The following TRMT44 variants were observed in gnomAD, a reference collection of about 807,000 sequenced individuals.
TRMT44 encodes tRNA methyltransferase 44 homolog, also known as probable tRNA (uracil-O(2)-)-methyltransferase.
TRMT44 carries 78 observed loss-of-function variants against 77.3 expected under a neutral mutation model. The observed-to-expected ratio is 1.01, with a 90% CI of 0.84 to 1.22. The LOEUF (loss-of-function observed/expected upper bound fraction) is 1.22. Ranked by LOEUF, TRMT44 falls within the 50% of genes most tolerant of loss-of-function variation. The pLI is 0.00. For synonymous variants in TRMT44, 391 were observed against 383.3 expected (o/e 1.02, Z -0.23); for missense variants, 1,090 against 964.4 (o/e 1.13, Z -1.73).
At chr4:8,454,908 A>G in intron 6 of TRMT44, 95 bp downstream of exon 6, 2 of 1,097,134 alleles carry the variant, frequency 1.8e-6, no homozygotes, top group Non-Finnish European at 2.8e-6. Flanking sequence ...TAGGTCAAGC[A>G]GACATGCTGA....
At chr4:8,491,136 T>C (rs537332837) in intron 2 of TRMT44, among the ~76,000 whole-genome samples, 1 of 152,004 alleles carries the variant, frequency 6.6e-6, no homozygotes, top group Non-Finnish European at 1.5e-5. Context: ...AGCAGCTAGA[T>C]ACAGAGTGTC....
downstream of TRMT44, among the ~76,000 whole-genome samples, chr4:8,494,891 C>T (rs1180864847): frequency 6.6e-6 from 1 of 152,130 alleles, no homozygotes; most frequent in Non-Finnish European, 1.5e-5. Flanking sequence ...GACTCTTCCC[C>T]GTGGCTTGGT....
intron 6 of TRMT44, among the ~76,000 whole-genome samples, chr4:8,460,972 C>A (rs144171948): frequency 1.3e-5 from 2 of 152,174 alleles, no homozygotes; most frequent in Non-Finnish European, 2.9e-5. Context: ...CCTCAGCCTC[C>A]GAGTAGCTGG....
chr4:8,451,333 C>T lies in TRMT44; in HGVS notation c.955-627C>T, dbSNP rs567532872. Reference sequence around the variant, plus strand: ...GATGGTTCATCTGTATTGTCTAAGGCGCTGTGACTGGAAATAGAAATTTCA... The same window carrying T: ...GATGGTTCATCTGTATTGTCTAAGGTGCTGTGACTGGAAATAGAAATTTCA... On this transcript the variant is annotated intron_variant, in intron 3 of 10. Transcript: ENST00000389737. The surrounding 1 kb of genome is among the most constrained non-coding windows in gnomAD (Gnocchi z 4.1). Among the ~76,000 whole-genome samples the T allele has an allele frequency of 5.9e-5, 9 of 152,244 alleles. No homozygotes were observed. In the South Asian group the frequency reaches 1.2e-3, roughly 21 times the overall value.
At chr4:8,494,649 G>T (rs1728101189), downstream of TRMT44, among the ~76,000 whole-genome samples, 1 of 152,176 alleles carries the variant, frequency 6.6e-6, no homozygotes, top group African/African-American at 2.4e-5. Context: ...ATAAAAGCAA[G>T]CTGTGCCCGA....
rs373225290 is a variant in TRMT44 at position 8,471,670 on chromosome 4, A to G, written c.2044+470A>G. On this transcript the variant is annotated intron_variant, in intron 10 of 10. Coordinates refer to ENST00000389737, the MANE Select transcript of TRMT44 (RefSeq NM_152544.3). Reference sequence around the variant, plus strand: ...CCTGGACTCCTGTGGCCCTCGCCCCACGGGCCTGGGCAGGCGGAGGTCCTG... The same window carrying G: ...CCTGGACTCCTGTGGCCCTCGCCCCGCGGGCCTGGGCAGGCGGAGGTCCTG... Among the ~76,000 whole-genome samples the G allele has an allele frequency of 1.4e-4, 22 of 152,282 alleles. No individual in the cohort carries two copies. In the East Asian group the frequency reaches 2.9e-3, roughly 20 times the overall value.
chr4:8,465,776 C>T (rs1256294881), intron 8 of TRMT44, among the ~76,000 whole-genome samples: 1 of 152,204 alleles, frequency 6.6e-6, no homozygotes, highest in Non-Finnish European at 1.5e-5. Context: ...CTCCTCCAGG[C>T]CTGCAGGAGT....
Position 8,476,215 on chromosome 4 carries a change from T to C in TRMT44, c.*214T>C. ...GAAGCCCCCAGCTGACTGCCTGGCTTGTTTCAGATGCAGCCGCTTGAAACG... is the reference window on the plus strand; with the variant it reads ...GAAGCCCCCAGCTGACTGCCTGGCTCGTTTCAGATGCAGCCGCTTGAAACG... On this transcript the variant is annotated 3_prime_UTR_variant, in exon 11 of 11. Coordinates refer to ENST00000389737, the MANE Select transcript of TRMT44 (RefSeq NM_152544.3). The C allele has an allele frequency of 1.7e-6, 1 of 593,526 alleles. No homozygotes were observed. The highest frequency in any genetic ancestry group is 2.0e-5 in the South Asian group (1 of 49,226). 36.8% of individuals were successfully genotyped at this position (593,526 alleles called of 1,614,324 possible).
the TRMT44 span, among the ~76,000 whole-genome samples, chr4:8,503,272 G>A: frequency 6.6e-6 from 1 of 152,224 alleles, no homozygotes; most frequent in African/African-American, 2.4e-5. Flanking sequence ...CACCTTGCAA[G>A]GCAAGCTGTC....
chr4:8,491,483 G>A (rs529924079), intron 2 of TRMT44, among the ~76,000 whole-genome samples: 13 of 152,332 alleles, frequency 8.5e-5, no homozygotes, highest in African/African-American at 2.6e-4. Context: ...GGGGAGGCTC[G>A]GGCCGCACAG....
Position 8,446,519 on chromosome 4 carries a change from T to A in TRMT44, c.663T>A (p.Asp221Glu). 2 of 1,536,572 alleles carry A rather than the reference T, an allele frequency of 1.3e-6. No individual in the cohort carries two copies. Among genetic ancestry groups the A allele is most frequent in the South Asian group, 2.4e-5 (2 of 84,058 alleles). ...TAACGTTTTTGCCTTTGGAAGAAGA[T>A]GATGAGGGGAACCTAAAGGTTAAGA... ...GTITFLPLEEDDEGNLKVKMS... is the reference protein window; with the variant it reads ...GTITFLPLEEEDEGNLKVKMS... The change falls in exon 2 of 11, where the codon GAT (aspartate) becomes GAA (glutamate). Residue 221 changes from aspartate to glutamate, a missense_variant. By Grantham distance (45) the Asp-to-Glu change is conservative (BLOSUM62 2). Transcript: ENST00000389737. The surrounding 1 kb of genome is among the most constrained non-coding windows in gnomAD (Gnocchi z 4.3).
At chr4:8,506,534 G>T in the TRMT44 span, among the ~76,000 whole-genome samples, 18 of 152,352 alleles carry the variant, frequency 1.2e-4, no homozygotes, top group African/African-American at 4.1e-4. Context: ...AACCTTTGGT[G>T]CTGGGCTCTG....
intron 2 of TRMT44, among the ~76,000 whole-genome samples, chr4:8,483,963 G>A (rs1050270257): frequency 1.3e-5 from 2 of 152,200 alleles, no homozygotes; most frequent in South Asian, 2.1e-4. Flanking sequence ...AGCTTCATGT[G>A]TAGGGAAGGG....
intron 10 of TRMT44, among the ~76,000 whole-genome samples, chr4:8,474,145 A>C (rs930345103): frequency 6.6e-6 from 1 of 151,146 alleles, no homozygotes; most frequent in Admixed American, 6.6e-5. Flanking sequence ...GTGATCCCCC[A>C]CCCCCCATTC....
At chr4:8,494,852 G>A (rs186800281), downstream of TRMT44, among the ~76,000 whole-genome samples, 2 of 152,200 alleles carry the variant, frequency 1.3e-5, no homozygotes, top group East Asian at 3.9e-4. Context: ...TAAAATGGGA[G>A]GCAGGTTGCC....
chr4:8,480,894 T>C (rs1727592337), downstream of TRMT44, among the ~76,000 whole-genome samples: 1 of 152,238 alleles, frequency 6.6e-6, no homozygotes, highest in South Asian at 2.1e-4. Context: ...GTAGTTTACC[T>C]CAAAATGTGT....
intron 3 of TRMT44, among the ~76,000 whole-genome samples, chr4:8,450,090 T>TG (rs1725346430): frequency 6.6e-6 from 1 of 151,492 alleles, no homozygotes; most frequent in African/African-American, 2.4e-5. Flanking sequence ...CCTCAGCCTC[T>TG]GGACTAGCTG....
chr4:8,478,505 C>A (rs1197001658), downstream of TRMT44: 1 of 152,582 alleles, frequency 6.6e-6, no homozygotes, highest in African/African-American at 2.4e-5. Flanking sequence ...CAGCACTGTG[C>A]CCCTGTCCAC....
chr4:8,504,760 TG>T, the TRMT44 span, among the ~76,000 whole-genome samples: 1 of 152,152 alleles, frequency 6.6e-6, no homozygotes, highest in Non-Finnish European at 1.5e-5. The surrounding 1 kb of genome is among the most constrained non-coding windows in gnomAD (Gnocchi z 5.3). Context: ...CCAGGCACCC[TG>T]GCTGCACCTG....
Sources: gnomAD v4.1 joint callset for allele counts (sites outside exome capture counted in the v4.1 genomes callset) on GRCh38, gnomAD v4.1.1 for gene constraint, Gnocchi (gnomAD v3.1) non-coding constraint, MANE v1.5 for transcripts, NCBI Gene and HGNC (gene_info 2026-07-23, HGNC 2026-07-21) for gene names.